Variants in ABCB6 observed in about 807,000 individuals in gnomAD.
ABCB6 encodes the protein ATP-binding cassette sub-family B member 6.
A neutral mutation model predicts 99.4 loss-of-function variants in ABCB6; 87 were observed. The observed-to-expected ratio is 0.88, with a 90% CI of 0.74 to 1.05. ABCB6 has a LOEUF of 1.05. ABCB6 is among the 50% of genes least tolerant of loss of function. The pLI is 0.00. For synonymous variants in ABCB6, 482 were observed against 447.5 expected, an observed-to-expected ratio of 1.08 and a Z score of -0.97; for missense variants, 1,050 against 1,097.9, an observed-to-expected ratio of 0.96 and a Z score of 0.62.
rs1227313811 is a variant in ABCB6, at chr2:219,210,311, A to C, written c.2352-13T>G. The stretch of plus-strand genomic sequence containing the variant: ...CACAGTTGAGAGCCTGAGAAGTCAA[A>C]GATCAGTCGCCTACTACCCCACCCA... On this transcript the variant is annotated splice_polypyrimidine_tract_variant and intron_variant, in intron 17 of 18. Coordinates refer to ENST00000265316, the MANE Select transcript of ABCB6 (RefSeq NM_005689.4). 1.2e-6 allele frequency: 2 copies of C among 1,614,224 alleles called. No homozygotes were observed. Among genetic ancestry groups the C allele is most frequent in the East Asian group, 2.2e-5 (1 of 44,882 alleles).
At chr2:219,213,367 T>C in intron 11 of ABCB6, 41 bp from the exon 12 acceptor site, 1 of 1,613,730 alleles carries the variant, frequency 6.2e-7, no homozygotes, top group Admixed American at 1.7e-5. Context: ...TTCTCAGCTT[T>C]GTGTTTTCCA....
At position 219,213,256 on chromosome 2, in the gene ABCB6, A is replaced by C. The variant is rs764585714; in HGVS notation, c.1790T>G (p.Phe597Cys). Residue 597 changes from phenylalanine to cysteine, a missense_variant, in exon 12 of 19, where the codon TTC (phenylalanine) becomes TGC (cysteine). By Grantham distance (205) the Phe-to-Cys change is radical. Transcript: ENST00000265316. ...AAGGCCTCACCCATCGGCATAGCTG[A>C]AGTGCACGTTCTCAAACTCAATACG... ...KGRIEFENVH[F>C]SYADGRETLQ... 1 of 1,614,202 alleles carries C rather than the reference A, an allele frequency of 6.2e-7. No individual in the cohort carries two copies. The highest frequency in any genetic ancestry group is 8.5e-7 in the Non-Finnish European group (1 of 1,180,032).
At chr2:219,215,855 T>C in intron 5 of ABCB6, 142 bp downstream of exon 5, 2 of 847,442 alleles carry the variant, frequency 2.4e-6, no homozygotes, top group Non-Finnish European at 3.4e-6. Context: ...GGAGAGCATG[T>C]ATACAATAAT....
At chr2:219,210,525 TGGAA>T (rs895117674) in intron 16 of ABCB6, 50 bp from the exon 17 acceptor site, 12 of 1,604,476 alleles carry the variant, frequency 7.5e-6, no homozygotes, top group Admixed American at 1.7e-5. Flanking sequence ...AAACCCTCAA[TGGAA>T]GGAGGCAGGC....
At chr2:219,214,701 T>G in intron 6 of ABCB6, 1 of 626,588 alleles carries the variant, frequency 1.6e-6, no homozygotes, top group Non-Finnish European at 2.8e-6. Context: ...AGCTGCATCT[T>G]GTTACACAAA....
At chr2:219,217,992 G>T (rs1459404710) in intron 1 of ABCB6, 133 bp downstream of exon 1, 8 of 1,373,272 alleles carry the variant, frequency 5.8e-6, no homozygotes, top group South Asian at 1.5e-5. Context: ...ATCAGCTCCC[G>T]GCAGGACTCA....
At position 219,218,399 on chromosome 2, in the gene ABCB6, G is replaced by A. The variant is rs374837602; in HGVS notation, c.275C>T (p.Ala92Val). The A allele has an allele frequency of 1.8e-4, 287 of 1,611,620 alleles. No homozygotes were observed. The highest frequency in any genetic ancestry group is 2.4e-4 in the Non-Finnish European group (279 of 1,179,380). Residue 92 changes from alanine to valine, a missense_variant, in exon 1 of 19, where the codon GCT (alanine) becomes GTT (valine). Transcript: ENST00000265316. ...LQAALPLAGL[A>V]GRVGTARGAP... ...CCCCCGGGCAGTGCCCACCCGGCCA[G>A]CCAGGCCGGCCAGGGGCAGCGCCGC...
chr2:219,210,515 A>G, intron 16 of ABCB6, 40 bp from the exon 17 acceptor site: 1 of 1,608,098 alleles, frequency 6.2e-7, no homozygotes, highest in South Asian at 1.1e-5. Flanking sequence ...CTGCCACTCA[A>G]AACCCTCAAT....
intron 13 of ABCB6, 60 bp downstream of exon 13, chr2:219,212,948 A>G (rs562761868): frequency 7.6e-6 from 12 of 1,569,832 alleles, no homozygotes; most frequent in Non-Finnish European, 1.0e-5. Context: ...ACAAGCTACC[A>G]TGGGCACTGA....
chr2:219,212,160 G>C (rs1224907318), intron 14 of ABCB6, among the ~76,000 whole-genome samples: 1 of 152,144 alleles, frequency 6.6e-6, no homozygotes, highest in Non-Finnish European at 1.5e-5. Flanking sequence ...GCCTCCCAAA[G>C]TGCTGGGATT....
In ABCB6 at chr2:219,218,598, A is replaced by G; in HGVS notation, c.76T>C (p.Cys26Arg). ...GAGGGCACGAGCGTGAAGAAGAAGC[A>G]GGGACTCAGGCCATCCTGCATCCAG... ...PAWMQDGLSP[C>R]FFFTLVPSTR... Residue 26 changes from cysteine (C) to arginine (R), a missense_variant, in exon 1 of 19, where the codon TGC becomes CGC. Transcript: ENST00000265316. 3 of 1,612,542 alleles carry G rather than the reference A, an allele frequency of 1.9e-6. No individual in the cohort carries two copies. The highest frequency in any genetic ancestry group is 2.5e-6 in the Non-Finnish European group (3 of 1,179,758).
rs544390113 is a variant in ABCB6, at chr2:219,212,769, A to G, written c.1863+239T>C. The stretch of plus-strand genomic sequence containing the variant: ...ACTCCTAACCTTAGGTGATCTGGCC[A>G]CCTAAGCCTCCCAAAGTGCTGGGAT... On this transcript the variant is annotated intron_variant, in intron 13 of 18. Transcript: ENST00000265316. Among the ~76,000 whole-genome samples, 7 of 151,780 alleles carry G rather than the reference A, an allele frequency of 4.6e-5. No homozygotes were observed. The East Asian group carries it at 1.2e-3, about 25-fold the overall frequency.
chr2:219,217,638 G>A (rs367695322), intron 2 of ABCB6, 32 bp downstream of exon 2: 13 of 1,549,176 alleles, frequency 8.4e-6, no homozygotes, highest in South Asian at 5.9e-5. Flanking sequence ...GCAAGACTCC[G>A]TCTCCAAAAA....
In ABCB6 at chr2:219,216,693, C is replaced by G; in HGVS notation, c.827G>C (p.Arg276Pro). Reference sequence around the variant, plus strand: ...TATAGGCACCAACACATTGAGTGCCCGTTCCAAACCCATGAGCCCCAGGCA... The same window carrying G: ...TATAGGCACCAACACATTGAGTGCCGGTTCCAAACCCATGAGCCCCAGGCA... Reference protein sequence around the residue: ...LICLGLMGLERALNVLVPIFY... With the variant: ...LICLGLMGLEPALNVLVPIFY... Residue 276 changes from arginine to proline, a missense_variant, in exon 3 of 19, where the codon CGG becomes CCG. Physicochemically the swap from Arg to Pro is moderately radical, Grantham distance 103. Coordinates refer to ENST00000265316, the MANE Select transcript of ABCB6 (RefSeq NM_005689.4). This position sits in a 1 kb window ranked among gnomAD's most constrained non-coding sequence, Gnocchi z 4.2. 1.3e-6 allele frequency: 2 copies of G among 1,583,934 alleles called. No homozygotes were observed. The highest frequency in any genetic ancestry group is 1.7e-6 in the Non-Finnish European group (2 of 1,165,302).
At chr2:219,211,915 C>T (rs1950584218) in intron 14 of ABCB6, among the ~76,000 whole-genome samples, 1 of 152,084 alleles carries the variant, frequency 6.6e-6, no homozygotes, top group Non-Finnish European at 1.5e-5. Flanking sequence ...AGGCGCCCGC[C>T]ACCACGCCCA....
intron 6 of ABCB6, 152 bp from the exon 7 acceptor site, chr2:219,214,650 A>T: frequency 1.5e-6 from 1 of 659,640 alleles, no homozygotes; most frequent in Non-Finnish European, 2.6e-6. Flanking sequence ...CAGCCTGCAC[A>T]AAGTCTCATG....
chr2:219,210,483 G>A lies in ABCB6; in HGVS notation c.2257-8C>T, dbSNP rs369988166. 6.2e-7 allele frequency: 1 copy of A among 1,613,488 alleles called. No individual in the cohort carries two copies. On this transcript the variant is annotated splice_region_variant and splice_polypyrimidine_tract_variant and intron_variant, in intron 16 of 18. Coordinates refer to ENST00000265316, the MANE Select transcript of ABCB6 (RefSeq NM_005689.4). ...ATCCAGCGCTGACGTTGCCTATAGAGAGGGTCCAGGTAAAACTGCTCCTGC... is the reference window on the plus strand; with the variant it reads ...ATCCAGCGCTGACGTTGCCTATAGAAAGGGTCCAGGTAAAACTGCTCCTGC...
intron 18 of ABCB6, 45 bp from the exon 19 acceptor site, chr2:219,210,091 C>A (rs1950556322): frequency 6.2e-7 from 1 of 1,605,790 alleles, no homozygotes; most frequent in African/African-American, 1.3e-5. Flanking sequence ...TAGTTTTACC[C>A]CGAGGGTCCT....
chr2:219,215,942 T>C (rs1288911340), intron 5 of ABCB6, 55 bp downstream of exon 5: 12 of 1,474,970 alleles, frequency 8.1e-6, no homozygotes, highest in Non-Finnish European at 1.1e-5. Flanking sequence ...CACGGGCCCC[T>C]ATCCCTGCTT....
Sources: gnomAD v4.1 joint callset for allele counts (sites outside exome capture counted in the v4.1 genomes callset) on GRCh38, gnomAD v4.1.1 for gene constraint, Gnocchi (gnomAD v3.1) non-coding constraint, MANE v1.5 for transcripts, NCBI Gene and HGNC (gene_info 2026-07-23, HGNC 2026-07-21) for gene names.